FTO: variants seen among roughly 807,000 people sequenced by gnomAD.
FTO encodes the protein FTO alpha-ketoglutarate dependent dioxygenase.
A neutral mutation model predicts 63.9 loss-of-function variants in FTO; 47 were observed. That is an observed-to-expected ratio of 0.74 (90% CI 0.58 to 0.94). FTO has a LOEUF of 0.94. Ranked by LOEUF, FTO falls within the 40% of genes least tolerant of loss-of-function variation. The probability of loss-of-function intolerance (pLI) is 0.00; values close to 1 mark genes in which losing one functional copy is unlikely to be tolerated. For synonymous variants in FTO, 207 were observed against 224.4 expected (o/e 0.92, Z 0.69); for missense variants, 562 against 618.1 (o/e 0.91, Z 0.96).
rs189223264 is a variant in FTO at position 53,736,518 on chromosome 16, C to G, written c.45+32289C>G. Reference sequence around the variant, plus strand: ...TGTCAGCAGATCTGAAATCTGACCCCTCCTTCTCATTTCCACTGCCTCTGC... The same window carrying G: ...TGTCAGCAGATCTGAAATCTGACCCGTCCTTCTCATTTCCACTGCCTCTGC... On this transcript the variant is annotated intron_variant, in intron 1 of 8. Coordinates refer to ENST00000471389, the MANE Select transcript of FTO (RefSeq NM_001080432.3). Among the ~76,000 whole-genome samples the G allele has an allele frequency of 3.1e-3, 475 of 152,182 alleles. 2 individuals are homozygous for G. Among genetic ancestry groups the G allele is most frequent in the Non-Finnish European group, 4.9e-3 (336 of 68,020 alleles).
intron 7 of FTO, among the ~76,000 whole-genome samples, chr16:53,889,873 A>G (rs1056628872): frequency 1.6e-4 from 24 of 152,222 alleles, no homozygotes; most frequent in African/African-American, 5.8e-4. Context: ...AATACTTATT[A>G]AGTACCAGAC....
At position 53,972,790 on chromosome 16, in the gene FTO, G is replaced by C. The variant is rs560553765; in HGVS notation, c.1364+38681G>C. Among the ~76,000 whole-genome samples the C allele has an allele frequency of 7.2e-5, 11 of 152,224 alleles. No homozygotes were observed. The East Asian group carries it at 2.1e-3, about 29-fold the overall frequency. ...GAAGAAAATGCAAACTTTTAGGAAG[G>C]AGAAATCTCACTCTTCAGTGTTTGT... On this transcript the variant is annotated intron_variant, in intron 8 of 8. Coordinates refer to ENST00000471389, the MANE Select transcript of FTO (RefSeq NM_001080432.3).
chr16:53,775,602 C>T (rs1233682217), intron 1 of FTO, among the ~76,000 whole-genome samples: 1 of 152,144 alleles, frequency 6.6e-6, no homozygotes, highest in African/African-American at 2.4e-5. Flanking sequence ...AGAATCCAGA[C>T]TCCTTAGCTT....
chr16:53,911,484 G>A (rs1380126914), intron 7 of FTO: 4 of 703,062 alleles, frequency 5.7e-6, no homozygotes, highest in Non-Finnish European at 7.8e-6. Flanking sequence ...TCAGTAGAAT[G>A]GTAAGGACAG....
chr16:53,826,064 C>T lies in FTO; in HGVS notation c.324C>T (p.Tyr108=). The change falls in exon 3 of 9, where the codon TAC becomes TAT. Residue 108 remains tyrosine, a synonymous_variant. Transcript: ENST00000471389. ...LIGNPGCTYK[Y]LNTRLFTVPW... ...GTAATCCAGGCTGCACCTACAAGTA[C>T]CTGAACACCAGGCTCTTTACGGTCC... 1 of 1,614,140 alleles carries T rather than the reference C, an allele frequency of 6.2e-7. No homozygotes were observed.
chr16:53,709,194 T>C (rs575122178), intron 1 of FTO, among the ~76,000 whole-genome samples: 1 of 152,236 alleles, frequency 6.6e-6, no homozygotes, highest in African/African-American at 2.4e-5. Flanking sequence ...TTGCTTATGC[T>C]ATGGACTTTT....
chr16:54,009,851 C>T (rs1402269252), intron 8 of FTO, among the ~76,000 whole-genome samples: 1 of 152,166 alleles, frequency 6.6e-6, no homozygotes, highest in Non-Finnish European at 1.5e-5. Context: ...CCACACTCCT[C>T]AGTGCTTTGT....
chr16:53,787,399 A>G (rs966912510), intron 1 of FTO, among the ~76,000 whole-genome samples: 1 of 151,688 alleles, frequency 6.6e-6, no homozygotes, highest in Admixed American at 6.6e-5. Context: ...ACCACCCTGG[A>G]AGGCACCCTA....
intron 8 of FTO, among the ~76,000 whole-genome samples, chr16:54,011,215 T>C (rs541477192): frequency 7.9e-5 from 12 of 152,304 alleles, no homozygotes; most frequent in African/African-American, 2.9e-4. Flanking sequence ...TTACATATAG[T>C]CATAATATCC....
chr16:53,823,783 G>A (rs949352552), intron 2 of FTO, among the ~76,000 whole-genome samples: 4 of 152,194 alleles, frequency 2.6e-5, no homozygotes, highest in South Asian at 2.1e-4. Context: ...CTACTCGGGC[G>A]GCTGAGGCAG....
Position 53,996,647 on chromosome 16 carries a change from T to G in FTO, c.1364+62538T>G, listed in dbSNP as rs147355137. Among the ~76,000 whole-genome samples the G allele has an allele frequency of 6.4e-4, 98 of 152,250 alleles. 1 individual carries two copies. In the East Asian group the frequency reaches 0.017, roughly 26 times the overall value. ...CTTATGCTGCTGATATGCCTGAGAC[T>G]GGGTAATTTATAAAGGAAAGAGGTT... On this transcript the variant is annotated intron_variant, in intron 8 of 8. Transcript: ENST00000471389.
chr16:54,001,911 C>T (rs1397741633), intron 8 of FTO, among the ~76,000 whole-genome samples: 1 of 152,194 alleles, frequency 6.6e-6, no homozygotes, highest in Admixed American at 6.5e-5. Flanking sequence ...TGCAAGCCAC[C>T]AGCCTCTCGT....
intron 7 of FTO, among the ~76,000 whole-genome samples, chr16:53,904,083 GATATATGTATATACATATAC>G (rs993220495): frequency 6.6e-6 from 1 of 151,274 alleles, no homozygotes; most frequent in Admixed American, 6.6e-5. Context: ...TTTACATATA[GATATATGTATATACATATAC>G]ATATATGTAC....
intron 8 of FTO, among the ~76,000 whole-genome samples, chr16:53,995,110 C>T (rs532151729): frequency 6.6e-6 from 1 of 152,298 alleles, no homozygotes; most frequent in South Asian, 2.1e-4. Flanking sequence ...TGCTTCCCAG[C>T]GAATTGCCCA....
At chr16:53,906,883 C>T (rs1448494776) in intron 7 of FTO, among the ~76,000 whole-genome samples, 1 of 152,138 alleles carries the variant, frequency 6.6e-6, no homozygotes, top group African/African-American at 2.4e-5. Flanking sequence ...CTTCTTGAAA[C>T]TTCCCTCTCT....
intron 1 of FTO, among the ~76,000 whole-genome samples, chr16:53,798,972 C>CATCT (rs1397250871): frequency 6.6e-6 from 1 of 152,192 alleles, no homozygotes; most frequent in Non-Finnish European, 1.5e-5. Context: ...AATGCTCTTA[C>CATCT]ATCTATTCAG....
chr16:54,028,733 AAAATTATATTAAATTTTGAAATAATAAT>A (rs1289198520), intron 8 of FTO, among the ~76,000 whole-genome samples: 5 of 152,170 alleles, frequency 3.3e-5, no homozygotes, highest in Non-Finnish European at 2.9e-5. Flanking sequence ...TACAGTATTT[AAAATTATATTAAATTTTGAAATAATAAT>A]AAATTATACT....
chr16:54,059,550 C>T (rs1318908689), intron 8 of FTO, among the ~76,000 whole-genome samples: 1 of 152,136 alleles, frequency 6.6e-6, no homozygotes, highest in Non-Finnish European at 1.5e-5. Context: ...ATTGTCCTCA[C>T]CAGCTCTGAC....
intron 8 of FTO, among the ~76,000 whole-genome samples, chr16:54,079,519 C>T (rs138948626): frequency 2.3e-4 from 35 of 152,230 alleles, no homozygotes; most frequent in Middle Eastern, 3.4e-3. Flanking sequence ...GTAATTGCTG[C>T]GGGATTGGGA....
Sources: gnomAD v4.1 joint callset for allele counts (sites outside exome capture counted in the v4.1 genomes callset) on GRCh38, gnomAD v4.1.1 for gene constraint, MANE v1.5 for transcripts, NCBI Gene and HGNC (gene_info 2026-07-23, HGNC 2026-07-21) for gene names.